The following RHOT1 variants were observed in gnomAD, a reference collection of about 807,000 sequenced individuals.
RHOT1 encodes the protein ras homolog family member T1.
RHOT1 carries 27 observed loss-of-function variants against 95.3 expected under a neutral mutation model. The ratio of observed to expected loss-of-function variants is 0.28; its 90% CI spans 0.21 to 0.39. The LOEUF (loss-of-function observed/expected upper bound fraction) is 0.39. Ranked by LOEUF, RHOT1 falls within the 10% of genes least tolerant of loss-of-function variation. RHOT1 has a pLI of 1.00. For missense variants in RHOT1, 578 were observed against 786.7 expected, an observed-to-expected ratio of 0.73 and a Z score of 3.17; for synonymous variants, 227 against 263.5, an observed-to-expected ratio of 0.86 and a Z score of 1.34.
At chr17:32,151,135 G>A in intron 1 of RHOT1, 1 of 823,210 alleles carries the variant, frequency 1.2e-6, no homozygotes, top group South Asian at 1.3e-5. Flanking sequence ...ATGACACTGG[G>A]TTCTTTACTG....
intron 19 of RHOT1, among the ~76,000 whole-genome samples, chr17:32,217,638 C>T (rs1356928180): frequency 6.6e-6 from 1 of 151,060 alleles, no homozygotes; most frequent in Non-Finnish European, 1.5e-5. Flanking sequence ...ACCTGTAGTC[C>T]CAGCTACTTG....
chr17:32,189,063 G>A (rs2036264110), intron 8 of RHOT1, among the ~76,000 whole-genome samples: 1 of 152,194 alleles, frequency 6.6e-6, no homozygotes. Flanking sequence ...ACTTTGGGAG[G>A]CCAAGGCGGG....
At position 32,142,603 on chromosome 17, in the gene RHOT1, C is replaced by A; in HGVS notation, c.-90C>A. On this transcript the variant is annotated 5_prime_UTR_variant, in exon 1 of 20. It adds an upstream start codon to the 5' untranslated region. Coordinates refer to ENST00000545287, the MANE Select transcript of RHOT1 (RefSeq NM_001033566.3). ...CGGCGGGCCCCGGCGGCCGAAGAGG[C>A]TGGCAGGTGGCGCCGTGGGGTGGGT... The A allele has an allele frequency of 8.3e-7, 1 of 1,200,642 alleles. No individual in the cohort carries two copies. Among genetic ancestry groups the A allele is most frequent in the Non-Finnish European group, 1.1e-6 (1 of 904,390 alleles). The allele number at this position is 1,200,642 out of a possible 1,614,324, so 74.4% of individuals were successfully genotyped here. A position where few individuals can be genotyped will look rare whatever the true frequency, so the allele number is the denominator to read the frequency against.
At chr17:32,198,831 G>A (rs2037098770) in intron 11 of RHOT1, 116 bp from the exon 12 acceptor site, 1 of 671,336 alleles carries the variant, frequency 1.5e-6, no homozygotes, top group Non-Finnish European at 2.6e-6. Flanking sequence ...GATACCAAGT[G>A]AAGATATTCT....
intron 19 of RHOT1, 192 bp downstream of exon 19, chr17:32,211,430 AG>A (rs2038128015): frequency 9.6e-6 from 4 of 417,196 alleles, no homozygotes; most frequent in African/African-American, 2.0e-5. Context: ...TTAAATTAAT[AG>A]GTATATTTAG....
In RHOT1 at chr17:32,142,547, C is replaced by T. The variant is rs929298871; in HGVS notation, c.-146C>T. 47 of 611,118 alleles carry T rather than the reference C, an allele frequency of 7.7e-5. No homozygotes were observed. In the African/African-American group the frequency reaches 8.6e-4, roughly 11 times the overall value. 37.9% of individuals were successfully genotyped at this position (611,118 alleles called of 1,614,324 possible). ...AGGCGGAGCTGGCGCTGTCCCGGCT[C>T]TCTTGCGGGGAAGCAACTGAGGGGG... On this transcript the variant is annotated 5_prime_UTR_variant, in exon 1 of 20. Transcript: ENST00000545287.
intron 11 of RHOT1, among the ~76,000 whole-genome samples, chr17:32,195,671 A>T (rs908056437): frequency 2.6e-5 from 4 of 152,174 alleles, no homozygotes; most frequent in Admixed American, 6.6e-5. Context: ...AATGGTTCAG[A>T]AAGACTGTTG....
chr17:32,193,934 C>G, intron 10 of RHOT1, 53 bp from the exon 11 acceptor site: 1 of 1,587,574 alleles, frequency 6.3e-7, no homozygotes, highest in East Asian at 2.2e-5. Flanking sequence ...ATGTTACATG[C>G]TTTTCTCCTA....
chr17:32,214,533 G>C (rs1046422586), intron 19 of RHOT1, among the ~76,000 whole-genome samples: 17 of 152,192 alleles, frequency 1.1e-4, no homozygotes, highest in African/African-American at 4.1e-4. Context: ...AGGACACATA[G>C]AATGAAAATG....
At chr17:32,157,995 G>C (rs1356611185) in intron 1 of RHOT1, among the ~76,000 whole-genome samples, 1 of 151,928 alleles carries the variant, frequency 6.6e-6, no homozygotes, top group Non-Finnish European at 1.5e-5. Flanking sequence ...TCAGCCTCCT[G>C]AGTATCTAGG....
chr17:32,155,528 G>A (rs1219245659), intron 1 of RHOT1, among the ~76,000 whole-genome samples: 2 of 146,848 alleles, frequency 1.4e-5, no homozygotes, highest in African/African-American at 2.5e-5. Context: ...TTGGTTGCCA[G>A]GGAGGATCCT....
chr17:32,197,899 ATGTT>A (rs985576098), intron 11 of RHOT1, among the ~76,000 whole-genome samples: 1 of 150,142 alleles, frequency 6.7e-6, no homozygotes, highest in Non-Finnish European at 1.5e-5. Context: ...GTTTGTTTTT[ATGTT>A]TGTTTGTTTG....
intron 1 of RHOT1, among the ~76,000 whole-genome samples, chr17:32,145,101 A>C (rs1347251991): frequency 6.6e-6 from 1 of 152,180 alleles, no homozygotes; most frequent in African/African-American, 2.4e-5. Flanking sequence ...GTTTGAGACC[A>C]GGAAACTGAC....
At chr17:32,171,245 G>A (rs566730754) in intron 2 of RHOT1, 144 bp downstream of exon 2, 6 of 590,308 alleles carry the variant, frequency 1.0e-5, no homozygotes, top group Admixed American at 3.2e-5. Flanking sequence ...TTTAGAGACA[G>A]GGTCTCACTC....
intron 4 of RHOT1, 83 bp downstream of exon 4, chr17:32,175,445 G>C: frequency 7.6e-7 from 1 of 1,322,520 alleles, no homozygotes; most frequent in Non-Finnish European, 1.1e-6. Context: ...CATTCTCTTT[G>C]TTTGTTGGTT....
At chr17:32,199,055 C>T in intron 12 of RHOT1, 24 bp downstream of exon 12, 1 of 1,495,660 alleles carries the variant, frequency 6.7e-7, no homozygotes, top group Non-Finnish European at 9.3e-7. Context: ...TGTAATTTTC[C>T]ATTATATATA....
At chr17:32,171,021 G>A (rs77853942) in intron 1 of RHOT1, 22 bp from the exon 2 acceptor site, 2 of 1,578,928 alleles carry the variant, frequency 1.3e-6, no homozygotes, top group Non-Finnish European at 1.7e-6. Flanking sequence ...CTTTATTAAA[G>A]TAACGATTTT....
intron 14 of RHOT1, among the ~76,000 whole-genome samples, chr17:32,201,956 G>T (rs1479917300): frequency 6.6e-6 from 1 of 152,054 alleles, no homozygotes; most frequent in East Asian, 1.9e-4. Flanking sequence ...TCTATCACCA[G>T]GCTGGAGTGC....
At chr17:32,192,332 CTTTTTTTT>C (rs397857197) in intron 9 of RHOT1, 33 bp downstream of exon 9, 316 of 543,234 alleles carry the variant, frequency 5.8e-4, no homozygotes, top group African/African-American at 4.1e-3. Context: ...ATTTGCGTAT[CTTTTTTTT>C]TTTTTTTTTT....
Sources: gnomAD v4.1 joint callset for allele counts (sites outside exome capture counted in the v4.1 genomes callset) on GRCh38, gnomAD v4.1.1 for gene constraint, MANE v1.5 for transcripts, NCBI Gene and HGNC (gene_info 2026-07-23, HGNC 2026-07-21) for gene names.